HJURP: variants seen among roughly 807,000 people sequenced by gnomAD.
HJURP encodes the protein Holliday junction recognition protein, also known as 14-3-3-associated AKT substrate.
A neutral mutation model predicts 72.0 loss-of-function variants in HJURP; 49 were observed. The observed-to-expected ratio is 0.68, with a 90% CI of 0.54 to 0.86. The LOEUF (loss-of-function observed/expected upper bound fraction) is 0.86. HJURP is among the 40% of genes least tolerant of loss of function. The pLI is 0.00. For missense variants in HJURP, 908 were observed against 936.3 expected, an observed-to-expected ratio of 0.97 and a Z score of 0.39; for synonymous variants, 357 against 347.1, an observed-to-expected ratio of 1.03 and a Z score of -0.32.
Position 233,841,719 on chromosome 2 carries a change from T to C in HJURP, c.1061A>G (p.Lys354Arg), listed in dbSNP as rs766418448. 2 of 1,614,100 alleles carry C rather than the reference T, an allele frequency of 1.2e-6. No individual in the cohort carries two copies. Among genetic ancestry groups the C allele is most frequent in the Non-Finnish European group, 1.7e-6 (2 of 1,180,048 alleles). The part of the protein sequence containing the change: ...LDVSCRKTGL[K>R]LEKAFLEVNR... ...GACTTCAAGAAAAGCTTTTTCCAAT[T>C]TTAAACCTGTCTTACGGCAAGAAAC... Residue 354 changes from lysine (K) to arginine (R), a missense_variant, in exon 8 of 9, where the codon AAA becomes AGA. This residue lies in a region of HJURP where 598 missense variants were observed against 619.5 expected (regional missense o/e 0.97). Transcript: ENST00000411486.
At chr2:233,846,000 T>C (rs185344729) in intron 5 of HJURP, 180 bp from the exon 6 acceptor site, 272 of 535,712 alleles carry the variant, frequency 5.1e-4, no homozygotes, top group African/African-American at 4.7e-3. Context: ...ATGTTAATAA[T>C]CCAAAAGAAT....
chr2:233,840,526 G>A (rs1292544181), intron 8 of HJURP, 83 bp downstream of exon 8: 61 of 1,370,980 alleles, frequency 4.4e-5, no homozygotes, highest in Admixed American at 7.2e-5. Flanking sequence ...TAAACGTGGC[G>A]CAAAGATTCC....
Position 233,837,640 on chromosome 2 carries a change from C to A in HJURP, c.2184G>T (p.Thr728=), listed in dbSNP as rs568126639. Residue 728 remains threonine, a synonymous_variant, in exon 9 of 9, where the codon ACG becomes ACT. Transcript: ENST00000411486. ...CACTTTTCTCTTCCATCCTGTAAGA[C>A]GTGTTCTCTCCTCTAGGAAAAAAAA... ...QPNSEERGEN[T]SYRMEEKSDF... The A allele has an allele frequency of 5.6e-6, 9 of 1,604,758 alleles. No individual in the cohort carries two copies. The East Asian group carries it at 6.7e-5, about 12-fold the overall frequency.
intron 8 of HJURP, among the ~76,000 whole-genome samples, chr2:233,839,967 G>A (rs867663235): frequency 1.1e-4 from 16 of 152,098 alleles, no homozygotes; most frequent in African/African-American, 3.6e-4. Flanking sequence ...AACCTTTAAT[G>A]CCAACAAAGG....
Position 233,841,289 on chromosome 2 carries a change from T to TA in HJURP, c.1490dup (p.Leu497PhefsTer3). 1 of 1,614,134 alleles carries TA rather than the reference T, an allele frequency of 6.2e-7. No homozygotes were observed. Among genetic ancestry groups the TA allele is most frequent in the Non-Finnish European group, 8.5e-7 (1 of 1,179,968 alleles). On this transcript the variant is annotated frameshift_variant, in exon 8 of 9. Transcript: ENST00000411486. LOFTEE classifies it high-confidence loss of function. The stretch of plus-strand genomic sequence containing the variant: ...TGCCTAGGTTTTCAAAAGCCTCACT[T>TA]AAACTTTTTGCTTTTGCTTTGCTGG...
intron 4 of HJURP, 94 bp from the exon 5 acceptor site, chr2:233,847,555 T>G: frequency 9.4e-7 from 1 of 1,058,652 alleles, no homozygotes; most frequent in African/African-American, 1.6e-5. Flanking sequence ...GAGTAAGTTG[T>G]ACAGTAAAAA....
rs1185894216 is a variant in HJURP at position 233,845,805 on chromosome 2, T to C, written c.418A>G (p.Ser140Gly). The change falls in exon 6 of 9, where the codon AGC (serine) becomes GGC (glycine). Residue 140 changes from serine (S) to glycine (G), a missense_variant. Coordinates refer to ENST00000411486, the MANE Select transcript of HJURP (RefSeq NM_018410.5). ...CTTCTTAATTCATTTTTCAAAGGGC[T>C]TTGAGGCACTGCAGGCTGATCAAAA... ...AWALAPAVPQ[S>G]PLKNELRRKY... 1 of 1,612,508 alleles carries C rather than the reference T, an allele frequency of 6.2e-7. No individual in the cohort carries two copies. Among genetic ancestry groups the C allele is most frequent in the Non-Finnish European group, 8.5e-7 (1 of 1,178,628 alleles).
intron 6 of HJURP, 97 bp from the exon 7 acceptor site, chr2:233,844,380 T>G: frequency 1.2e-6 from 1 of 864,042 alleles, no homozygotes; most frequent in South Asian, 1.4e-5. Flanking sequence ...CTGTGCATCT[T>G]AGCACAGCCA....
intron 5 of HJURP, 89 bp downstream of exon 5, chr2:233,847,308 G>T: frequency 1.0e-6 from 1 of 990,972 alleles, no homozygotes. Context: ...TGCAGGCAGC[G>T]CTGCCCGCCT....
intron 7 of HJURP, among the ~76,000 whole-genome samples, chr2:233,842,660 T>C (rs1247710174): frequency 4.7e-5 from 1 of 21,054 alleles, no homozygotes; most frequent in African/African-American, 2.1e-4. Flanking sequence ...AAAATCTGTA[T>C]GTTAAATTGA....
chr2:233,854,533 A>C lies in HJURP; in HGVS notation c.-33T>G. 1.3e-6 allele frequency: 2 copies of C among 1,483,564 alleles called. No individual in the cohort carries two copies. The highest frequency in any genetic ancestry group is 1.9e-5 in the Admixed American group (1 of 53,610). 91.9% of individuals were successfully genotyped at this position (1,483,564 alleles called of 1,614,324 possible). ...AGCCAGTACCCAAGCGCCAACCCGG[A>C]CTGCAGGGCCTCGCGCGCCACAAAC... is the stretch of plus-strand genomic sequence containing the variant. On this transcript the variant is annotated 5_prime_UTR_variant, in exon 1 of 9. Coordinates refer to ENST00000411486, the MANE Select transcript of HJURP (RefSeq NM_018410.5).
rs990455074 is a variant in HJURP, at chr2:233,846,038, C to A, written c.403-218G>T. ...AAAAAGACACACACACACAAAAAAA[C>A]CATGTCTAGAGAAGTTTATGACAGC... is the stretch of plus-strand genomic sequence containing the variant. On this transcript the variant is annotated intron_variant, in intron 5 of 8. Coordinates refer to ENST00000411486, the MANE Select transcript of HJURP (RefSeq NM_018410.5). This position sits in a 1 kb window ranked among gnomAD's most constrained non-coding sequence, Gnocchi z 4.3. 1 of 482,702 alleles carries A rather than the reference C, an allele frequency of 2.1e-6. No homozygotes were observed. Among genetic ancestry groups the A allele is most frequent in the Non-Finnish European group, 3.7e-6 (1 of 271,914 alleles). The allele number at this position is 482,702 out of a possible 1,614,324, so 29.9% of individuals were successfully genotyped here.
Position 233,851,647 on chromosome 2 carries a change from G to A in HJURP, c.240+918C>T, listed in dbSNP as rs146794061. Among the ~76,000 whole-genome samples, 872 of 152,062 alleles carry A rather than the reference G, an allele frequency of 5.7e-3. 9 individuals carry two copies. The highest frequency in any genetic ancestry group is 0.018 in the African/African-American group (754 of 41,470). ...GAAGAGTTTGCCAGATGTATTAACC[G>A]GAAAAGTGAGGGAGAAAAAAATGCA... On this transcript the variant is annotated intron_variant, in intron 3 of 8. Coordinates refer to ENST00000411486, the MANE Select transcript of HJURP (RefSeq NM_018410.5).
chr2:233,841,087 G>T lies in HJURP; in HGVS notation c.1693C>A (p.Pro565Thr), dbSNP rs755034561. The T allele has an allele frequency of 4.3e-6, 7 of 1,613,942 alleles. No homozygotes were observed. Among genetic ancestry groups the T allele is most frequent in the Admixed American group, 1.7e-5 (1 of 59,986 alleles). Reference protein sequence around the residue: ...SVSPSKTLSVPDKEVPGHGRN... With the variant: ...SVSPSKTLSVTDKEVPGHGRN... Reference sequence around the variant, plus strand: ...CCGTGGCCTGGCACTTCTTTATCTGGGACTGAAAGAGTTTTGCTGGGTGAC... The same window carrying T: ...CCGTGGCCTGGCACTTCTTTATCTGTGACTGAAAGAGTTTTGCTGGGTGAC... The change falls in exon 8 of 9, where the codon CCA becomes ACA. Residue 565 changes from proline (P) to threonine (T), a missense_variant. By Grantham distance (38) the Pro-to-Thr change is conservative. Around this residue, in one of 3 missense-constraint regions of HJURP, gnomAD observed 598 missense variants for 619.5 expected, o/e 0.97. Transcript: ENST00000411486.
At position 233,853,913 on chromosome 2, in the gene HJURP, G is replaced by A; in HGVS notation, c.118-3C>T. The A allele has an allele frequency of 6.2e-7, 1 of 1,613,634 alleles. No homozygotes were observed. The highest frequency in any genetic ancestry group is 8.5e-7 in the Non-Finnish European group (1 of 1,179,726). ...GTGTCCTCGAAGGGCTGGTTGTACTGCGGAGGAGGAAGGGGCTTCCTGTCA... is the reference window on the plus strand; with the variant it reads ...GTGTCCTCGAAGGGCTGGTTGTACTACGGAGGAGGAAGGGGCTTCCTGTCA... On this transcript the variant is annotated splice_polypyrimidine_tract_variant and splice_region_variant and intron_variant, in intron 1 of 8. Transcript: ENST00000411486.
At chr2:233,853,745 G>A (rs1705549868) in intron 2 of HJURP, 99 bp downstream of exon 2, 2 of 968,370 alleles carry the variant, frequency 2.1e-6, no homozygotes, top group East Asian at 5.0e-5. Flanking sequence ...CTATTAGTTA[G>A]GTGAACAATG....
rs201340488 is a variant in HJURP, at chr2:233,841,634, C to T, written c.1146G>A (p.Ser382=). Residue 382 remains serine (S), a synonymous_variant, in exon 8 of 9, where the codon TCG becomes TCA. Coordinates refer to ENST00000411486, the MANE Select transcript of HJURP (RefSeq NM_018410.5). ...PSWKERKVTP[S]KYSSLIYFDS... The stretch of plus-strand genomic sequence containing the variant: ...CGAAGTAAATCAAGGAAGAATACTT[C>T]GAGGGTGTCACTTTGCGCTCCTTCC... 3.5e-5 allele frequency: 56 copies of T among 1,614,144 alleles called. No individual in the cohort carries two copies. The Middle Eastern group carries it at 8.2e-4, about 24-fold the overall frequency.
rs759342732 is a variant in HJURP at position 233,842,238 on chromosome 2, T to C, written c.575-33A>G. On this transcript the variant is annotated intron_variant, in intron 7 of 8. Transcript: ENST00000411486. The stretch of plus-strand genomic sequence containing the variant: ...AAAAGATACACATAAAGTAAAGGTG[T>C]GTTACCATTCTAAACCATCCATGTG... 5 of 1,551,992 alleles carry C rather than the reference T, an allele frequency of 3.2e-6. No homozygotes were observed. The Admixed American group carries it at 9.3e-5, about 29-fold the overall frequency.
At chr2:233,852,766 T>A (rs754255000) in intron 2 of HJURP, 146 bp from the exon 3 acceptor site, 71 of 603,152 alleles carry the variant, frequency 1.2e-4, no homozygotes, top group Non-Finnish European at 1.7e-4. Context: ...CTGCGATTGT[T>A]CCTCTTTGTA....
Sources: gnomAD v4.1 joint callset for allele counts (sites outside exome capture counted in the v4.1 genomes callset) on GRCh38, gnomAD v4.1.1 for gene constraint, gnomAD v4.1.1 regional missense constraint, Gnocchi (gnomAD v3.1) non-coding constraint, MANE v1.5 for transcripts, NCBI Gene and HGNC (gene_info 2026-07-23, HGNC 2026-07-21) for gene names.